The following ADD1 variants were observed in gnomAD, a reference collection of about 807,000 sequenced individuals.
ADD1 encodes alpha-adducin.
ADD1 carries 24 observed loss-of-function variants against 80.5 expected under a neutral mutation model. That is an observed-to-expected ratio of 0.30 (90% CI 0.22 to 0.42). The LOEUF (loss-of-function observed/expected upper bound fraction) is 0.42, where lower values mean the gene tolerates loss of function less well. ADD1 is among the 10% of genes least tolerant of loss of function. ADD1 has a pLI of 1.00. For synonymous variants in ADD1, 373 were observed against 393.8 expected, an observed-to-expected ratio of 0.95 and a Z score of 0.63; for missense variants, 948 against 1,019.0, an observed-to-expected ratio of 0.93 and a Z score of 0.95.
chr4:2,895,258 AAAAAT>A (rs1253200419), intron 6 of ADD1, among the ~76,000 whole-genome samples: 1 of 152,166 alleles, frequency 6.6e-6, no homozygotes, highest in Non-Finnish European at 1.5e-5. Context: ...CTTGTCTCAA[AAAAAT>A]AAAATAACAG....
chr4:2,844,142 G>C (rs959383175), intron 1 of ADD1, 118 bp downstream of exon 1: 1 of 149,330 alleles, frequency 6.7e-6, no homozygotes, highest in Non-Finnish European at 1.5e-5. Context: ...GGCGGCCCGG[G>C]CAGCCTCGGG....
chr4:2,846,815 TTAAAAA>T (rs1397278154), intron 1 of ADD1, among the ~76,000 whole-genome samples: 1 of 128,772 alleles, frequency 7.8e-6, no homozygotes, highest in Non-Finnish European at 1.6e-5. Flanking sequence ...CTCTGTCTCT[TTAAAAA>T]AAAAAAAAAA....
At chr4:2,861,490 G>A (rs925916350) in intron 1 of ADD1, among the ~76,000 whole-genome samples, 1 of 152,192 alleles carries the variant, frequency 6.6e-6, no homozygotes, top group South Asian at 2.1e-4. Context: ...TTTTGAATAA[G>A]TTAGGTTTGA....
intron 13 of ADD1, among the ~76,000 whole-genome samples, chr4:2,909,644 A>T (rs900806340): frequency 6.6e-6 from 1 of 152,182 alleles, no homozygotes; most frequent in African/African-American, 2.4e-5. Context: ...AATTTCCAGC[A>T]TTCGAAGTTG....
intron 4 of ADD1, among the ~76,000 whole-genome samples, chr4:2,892,032 A>G (rs897815503): frequency 1.3e-5 from 2 of 152,210 alleles, no homozygotes; most frequent in Non-Finnish European, 2.9e-5. Context: ...ACAGTGCTTC[A>G]GCGCCCATGA....
At position 2,928,754 on chromosome 4, in the gene ADD1, A is replaced by G. The variant is rs1712453256; in HGVS notation, c.*231A>G. ...CAGAGCCTCAGCTTCTGGGGGAGAC[A>G]TGCTCTCCCCACAGGGGGGAGGCAC... On this transcript the variant is annotated 3_prime_UTR_variant, in exon 16 of 16. Coordinates refer to ENST00000683351, the MANE Select transcript of ADD1 (RefSeq NM_001354761.2). The G allele has an allele frequency of 5.7e-6, 3 of 527,106 alleles. No individual in the cohort carries two copies. 32.7% of individuals were successfully genotyped at this position (527,106 alleles called of 1,614,324 possible). A position where few individuals can be genotyped will look rare whatever the true frequency, so the allele number is the denominator to read the frequency against.
At chr4:2,910,705 C>G (rs1030110191) in intron 13 of ADD1, among the ~76,000 whole-genome samples, 1 of 152,188 alleles carries the variant, frequency 6.6e-6, no homozygotes, top group Non-Finnish European at 1.5e-5. Context: ...TTTGTGTGCT[C>G]TGTCCCAGTG....
intron 9 of ADD1, among the ~76,000 whole-genome samples, chr4:2,904,329 G>A (rs1229528478): frequency 6.6e-6 from 1 of 152,156 alleles, no homozygotes; most frequent in Non-Finnish European, 1.5e-5. Context: ...TGTCTCCCAG[G>A]ACAACCAAAA....
intron 2 of ADD1, chr4:2,881,681 G>C (rs1255737775): frequency 1.9e-5 from 8 of 411,106 alleles, no homozygotes; most frequent in African/African-American, 1.6e-4. Flanking sequence ...CCTAAGAGTA[G>C]AATTCCTGTT....
chr4:2,895,019 G>A (rs1408929155), intron 6 of ADD1, among the ~76,000 whole-genome samples: 3 of 151,992 alleles, frequency 2.0e-5, no homozygotes, highest in Non-Finnish European at 2.9e-5. Flanking sequence ...ACACTACTTC[G>A]GGATGCTGAG....
chr4:2,855,562 C>T (rs1375785995), intron 1 of ADD1, among the ~76,000 whole-genome samples: 2 of 151,572 alleles, frequency 1.3e-5, no homozygotes, highest in East Asian at 1.9e-4. Flanking sequence ...ACAGCAAAGG[C>T]ATGAAAGTTC....
chr4:2,908,325 C>G (rs990970782), intron 11 of ADD1, among the ~76,000 whole-genome samples, 190 bp from the exon 12 acceptor site: 1 of 152,238 alleles, frequency 6.6e-6, no homozygotes, highest in African/African-American at 2.4e-5. Context: ...TCCATCCCTG[C>G]AGACCCACGC....
chr4:2,880,221 C>T (rs1479119688), intron 2 of ADD1, among the ~76,000 whole-genome samples: 1 of 152,012 alleles, frequency 6.6e-6, no homozygotes, highest in Non-Finnish European at 1.5e-5. Context: ...AATAGGGGGT[C>T]CTCAGAGGGC....
In ADD1 at chr4:2,875,932, G is replaced by C. The variant is rs1731209577; in HGVS notation, c.17G>C (p.Arg6Pro). 1 of 1,598,622 alleles carries C rather than the reference G, an allele frequency of 6.3e-7. No individual in the cohort carries two copies. The highest frequency in any genetic ancestry group is 8.5e-7 in the Non-Finnish European group (1 of 1,174,900). ...GATTGTACAATGAATGGTGATTCTC[G>C]TGCTGCGGTGGTGACCTCACCACCC... MNGDS[R>P]AAVVTSPPPT... Residue 6 changes from arginine (R) to proline (P), a missense_variant, in exon 2 of 16, where the codon CGT becomes CCT. Transcript: ENST00000683351.
chr4:2,895,744 C>T (rs1212807884), intron 6 of ADD1, among the ~76,000 whole-genome samples: 7 of 152,156 alleles, frequency 4.6e-5, no homozygotes, highest in Admixed American at 3.9e-4. Context: ...CAGACCCCTC[C>T]GTATGAAAGT....
intron 13 of ADD1, among the ~76,000 whole-genome samples, chr4:2,911,767 T>G (rs1025249339): frequency 6.6e-6 from 1 of 152,034 alleles, no homozygotes; most frequent in Non-Finnish European, 1.5e-5. Context: ...TAACCTGAAA[T>G]AATTTTGGCT....
intron 1 of ADD1, among the ~76,000 whole-genome samples, chr4:2,849,598 G>A (rs1726762276): frequency 6.6e-6 from 1 of 152,164 alleles, no homozygotes; most frequent in African/African-American, 2.4e-5. Flanking sequence ...TCATTTGGGA[G>A]GGACCTTTAG....
Position 2,928,796 on chromosome 4 carries a change from C to A in ADD1, c.*273C>A, listed in dbSNP as rs373517486. On this transcript the variant is annotated 3_prime_UTR_variant, in exon 16 of 16. Transcript: ENST00000683351. ...GGGAGGCACTAAGTCATGGTCCTGGCTGGAAGGTACTGAAGGCTTCTGCAG... is the reference window on the plus strand; with the variant it reads ...GGGAGGCACTAAGTCATGGTCCTGGATGGAAGGTACTGAAGGCTTCTGCAG... The A allele has an allele frequency of 2.0e-5, 9 of 443,088 alleles. No individual in the cohort carries two copies. The highest frequency in any genetic ancestry group is 4.5e-5 in the Admixed American group (1 of 22,292). The allele number at this position is 443,088 out of a possible 1,614,324, so 27.4% of individuals were successfully genotyped here. A position where few individuals can be genotyped will look rare whatever the true frequency, so the allele number is the denominator to read the frequency against.
intron 3 of ADD1, 33 bp from the exon 4 acceptor site, chr4:2,884,482 C>A: frequency 1.3e-6 from 2 of 1,570,996 alleles, no homozygotes; most frequent in South Asian, 1.2e-5. Flanking sequence ...TATACCACTG[C>A]ACCTGGCTGA....
Sources: gnomAD v4.1 joint callset for allele counts (sites outside exome capture counted in the v4.1 genomes callset) on GRCh38, gnomAD v4.1.1 for gene constraint, MANE v1.5 for transcripts, NCBI Gene and HGNC (gene_info 2026-07-23, HGNC 2026-07-21) for gene names.